CXADR: variants seen among roughly 807,000 people sequenced by gnomAD.
CXADR encodes CXADR cell adhesion molecule, also known as coxsackievirus and adenovirus receptor.
Under a neutral mutation model 40.3 loss-of-function variants are expected in CXADR, and 20 were observed. The observed-to-expected ratio is 0.50, with a 90% confidence interval of 0.35 to 0.72. The LOEUF is 0.72. CXADR is among the 30% of genes least tolerant of loss of function. The pLI is 0.01. For synonymous variants in CXADR, 150 were observed against 161.3 expected (o/e 0.93, Z 0.53); for missense variants, 332 against 449.1 (o/e 0.74, Z 2.36).
rs150230678 is a variant in CXADR at position 17,532,055 on chromosome 21, G to A, written c.44-14972G>A. On this transcript the variant is annotated intron_variant, in intron 1 of 6. Coordinates refer to ENST00000284878, the MANE Select transcript of CXADR (RefSeq NM_001338.5). ...CTCCCAGGCTCCCACCTCAGTCTCC[G>A]TAGTAGCTGGGACTGCAGGCATGCA... 4.5e-3 allele frequency among the ~76,000 whole-genome samples: 680 copies of A among 151,482 alleles called. 7 individuals carry two copies. The highest frequency in any genetic ancestry group is 0.015 in the African/African-American group (632 of 41,328).
intron 1 of CXADR, among the ~76,000 whole-genome samples, chr21:17,539,509 C>T (rs1033766567): frequency 2.0e-4 from 30 of 152,168 alleles, no homozygotes; most frequent in Non-Finnish European, 4.4e-5. Flanking sequence ...CCACATTAGT[C>T]TGGATTAAGT....
At chr21:17,590,477 T>C (rs2061427342) in intron 7 of CXADR, among the ~76,000 whole-genome samples, 1 of 152,038 alleles carries the variant, frequency 6.6e-6, no homozygotes, top group Non-Finnish European at 1.5e-5. Context: ...AAGTGGGTGA[T>C]GGTTTCTGCA....
At chr21:17,595,285 CATT>C (rs2061490018), downstream of CXADR, among the ~76,000 whole-genome samples, 2 of 152,128 alleles carry the variant, frequency 1.3e-5, no homozygotes, top group Admixed American at 1.3e-4. Context: ...CTCAAATCTG[CATT>C]TCTAAGTATA....
chr21:17,606,628 C>T, the CXADR span, among the ~76,000 whole-genome samples: 1 of 152,046 alleles, frequency 6.6e-6, no homozygotes, highest in African/African-American at 2.4e-5. Flanking sequence ...AATATAGATG[C>T]TTAAACAGAG....
the CXADR span, among the ~76,000 whole-genome samples, chr21:17,606,547 A>G: frequency 6.6e-6 from 1 of 152,124 alleles, no homozygotes; most frequent in Non-Finnish European, 1.5e-5. Flanking sequence ...AAAAAGATAT[A>G]TCTTAGATGT....
At chr21:17,529,034 CTTT>C (rs10530177) in intron 1 of CXADR, among the ~76,000 whole-genome samples, 3 of 121,386 alleles carry the variant, frequency 2.5e-5, no homozygotes, top group Non-Finnish European at 5.3e-5. Context: ...GACTTTTTGT[CTTT>C]TTTTTTTTTT....
At chr21:17,617,831 A>G in the CXADR span, among the ~76,000 whole-genome samples, 68,244 of 151,794 alleles carry the variant, frequency 0.45, 15,848 homozygotes, top group African/African-American at 0.55. Context: ...AGACAGTAAT[A>G]AAGTTTGCTC....
At chr21:17,582,709 T>C (rs1031049522) in intron 7 of CXADR, among the ~76,000 whole-genome samples, 2 of 152,218 alleles carry the variant, frequency 1.3e-5, no homozygotes, top group Non-Finnish European at 2.9e-5. Context: ...GCCATAACAG[T>C]GTGTCTCCTT....
chr21:17,624,948 T>TA, the CXADR span, among the ~76,000 whole-genome samples: 3 of 152,180 alleles, frequency 2.0e-5, 1 homozygote, highest in African/African-American at 4.8e-5. Context: ...CACTTTTTTT[T>TA]ACCCCTTAAC....
Position 17,559,065 on chromosome 21 carries a change from C to T in CXADR, c.505C>T (p.Leu169Phe), listed in dbSNP as rs749596598. 1.4e-5 allele frequency: 23 copies of T among 1,613,960 alleles called. No individual in the cohort carries two copies. The highest frequency in any genetic ancestry group is 2.2e-5 in the East Asian group (1 of 44,898). ...AAAATGTGAACCAAAAGAAGGTTCA[C>T]TTCCATTACAGTATGAGTGGCAAAA... Reference protein sequence around the residue: ...KIKCEPKEGSLPLQYEWQKLS... With the variant: ...KIKCEPKEGSFPLQYEWQKLS... The change falls in exon 4 of 7, where the codon CTT (leucine) becomes TTT (phenylalanine). Residue 169 changes from leucine to phenylalanine, a missense_variant. Coordinates refer to ENST00000284878, the MANE Select transcript of CXADR (RefSeq NM_001338.5).
At chr21:17,537,564 A>G (rs918799726) in intron 1 of CXADR, among the ~76,000 whole-genome samples, 5 of 151,938 alleles carry the variant, frequency 3.3e-5, no homozygotes, top group Admixed American at 1.3e-4. Context: ...GAATTCTACA[A>G]TGAGTCATGA....
At chr21:17,604,440 C>T in the CXADR span, among the ~76,000 whole-genome samples, 3 of 151,074 alleles carry the variant, frequency 2.0e-5, no homozygotes, top group Non-Finnish European at 3.0e-5. Context: ...AGTGAAACTC[C>T]GTCCCAAAAA....
At chr21:17,609,319 C>T in the CXADR span, among the ~76,000 whole-genome samples, 1 of 152,152 alleles carries the variant, frequency 6.6e-6, no homozygotes, top group East Asian at 1.9e-4. Flanking sequence ...TATCTTTATG[C>T]CATAAAGGCC....
chr21:17,599,420 TCCACCCACTTCAG>T, the CXADR span, among the ~76,000 whole-genome samples: 1 of 150,966 alleles, frequency 6.6e-6, no homozygotes, highest in African/African-American at 2.4e-5. Context: ...GCTCAAGAGA[TCCACCCACTTCAG>T]CTACCCAAAG....
intron 7 of CXADR, among the ~76,000 whole-genome samples, chr21:17,590,594 A>G (rs2061428147): frequency 6.6e-6 from 1 of 152,042 alleles, no homozygotes. Flanking sequence ...ATAAAGTGCC[A>G]TATGCAATGC....
In CXADR at chr21:17,563,299, A is replaced by G. The variant is rs1406775288; in HGVS notation, c.833+1823A>G. Among the ~76,000 whole-genome samples, 5 of 152,142 alleles carry G rather than the reference A, an allele frequency of 3.3e-5. No individual in the cohort carries two copies. The East Asian group carries it at 7.7e-4, about 23-fold the overall frequency. On this transcript the variant is annotated intron_variant, in intron 6 of 6. Transcript: ENST00000284878. ...CAAAATAAATAAGATATTTTTTTAAAAAGTAGAGCCATGATAACTATTCCT... is the reference window on the plus strand; with the variant it reads ...CAAAATAAATAAGATATTTTTTTAAGAAGTAGAGCCATGATAACTATTCCT...
intron 1 of CXADR, among the ~76,000 whole-genome samples, chr21:17,521,735 A>G (rs1426335730): frequency 6.6e-6 from 1 of 152,198 alleles, no homozygotes; most frequent in Non-Finnish European, 1.5e-5. Flanking sequence ...CCTTAATTCC[A>G]GAGGACAGTA....
intron 7 of CXADR, chr21:17,593,120 T>TA: frequency 7.2e-7 from 1 of 1,389,366 alleles, no homozygotes; most frequent in African/African-American, 1.5e-5. Flanking sequence ...ATCAAAACTC[T>TA]TATAGAGATA....
chr21:17,628,073 A>G, the CXADR span, among the ~76,000 whole-genome samples: 139 of 152,310 alleles, frequency 9.1e-4, 1 homozygote, highest in Non-Finnish European at 1.7e-3. Flanking sequence ...ATACTCAAAT[A>G]AGAGTTATAC....
Sources: allele counts gnomAD v4.1 joint callset (sites outside exome capture counted in the v4.1 genomes callset), GRCh38; gene constraint gnomAD v4.1.1; transcripts MANE v1.5; gene names NCBI Gene and HGNC (gene_info 2026-07-23, HGNC 2026-07-21).